The following GET4 variants were observed in gnomAD, a reference collection of about 807,000 sequenced individuals.
GET4 encodes Golgi to ER traffic protein 4 homolog.
A neutral mutation model predicts 40.0 loss-of-function variants in GET4; 20 were observed. That is an observed-to-expected ratio of 0.50 (90% CI 0.35 to 0.73). The LOEUF (loss-of-function observed/expected upper bound fraction) is 0.73, where lower values mean the gene tolerates loss of function less well. Ranked by LOEUF, GET4 falls within the 30% of genes least tolerant of loss-of-function variation. The pLI is 0.01. For missense variants in GET4, 557 were observed against 454.0 expected, an observed-to-expected ratio of 1.23 and a Z score of -2.06; for synonymous variants, 280 against 194.6, an observed-to-expected ratio of 1.44 and a Z score of -3.65.
rs371682963 is a variant in GET4, at chr7:895,899, G to C, written c.*477G>C. On this transcript the variant is annotated 3_prime_UTR_variant, in exon 9 of 9. Coordinates refer to ENST00000265857, the MANE Select transcript of GET4 (RefSeq NM_015949.3). ...AATGGGAGCGGCTGTTTTTGAACAC[G>C]GGGTCATTCTGCAGTCAGGACGAAC... 1 of 152,634 alleles carries C rather than the reference G, an allele frequency of 6.6e-6. No individual in the cohort carries two copies. Among genetic ancestry groups the C allele is most frequent in the Non-Finnish European group, 1.5e-5 (1 of 68,296 alleles). 9.5% of individuals were successfully genotyped at this position (152,634 alleles called of 1,614,324 possible). A position where few individuals can be genotyped will look rare whatever the true frequency, so the allele number is the denominator to read the frequency against.
intron 4 of GET4, among the ~76,000 whole-genome samples, 184 bp from the exon 5 acceptor site, chr7:890,744 G>C (rs1211263594): frequency 6.6e-6 from 1 of 152,082 alleles, no homozygotes; most frequent in African/African-American, 2.4e-5. Flanking sequence ...CTGTTGATTT[G>C]GTGCTGCGTG....
At chr7:891,207 G>C (rs1187180989) in intron 5 of GET4, 141 bp downstream of exon 5, 2 of 624,660 alleles carry the variant, frequency 3.2e-6, no homozygotes, top group Non-Finnish European at 5.5e-6. Context: ...CAGTGCACTT[G>C]TCAGCCTGAC....
rs187621565 is a variant in GET4, at chr7:878,612, C to T, written c.155+1812C>T. ...TTTTTGCGACGGAGTCTCGCTCTGTCCTCTGTCCCAGGCTGGAGTGCAATG... is the reference window on the plus strand; with the variant it reads ...TTTTTGCGACGGAGTCTCGCTCTGTTCTCTGTCCCAGGCTGGAGTGCAATG... On this transcript the variant is annotated intron_variant, in intron 1 of 8. Coordinates refer to ENST00000265857, the MANE Select transcript of GET4 (RefSeq NM_015949.3). Among the ~76,000 whole-genome samples, 31 of 143,484 alleles carry T rather than the reference C, an allele frequency of 2.2e-4. No individual in the cohort carries two copies. In the East Asian group the frequency reaches 4.6e-3, roughly 21 times the overall value. 94.1% of individuals were successfully genotyped at this position (143,484 alleles called of 152,430 possible).
rs778221641 is a variant in GET4, at chr7:895,326, C to T, written c.896-8C>T. ...CAGGCGTGACTGCCACGGTGTTCTT[C>T]TTTCCAGGGAACCTTCTGACCAGCC... On this transcript the variant is annotated splice_region_variant and splice_polypyrimidine_tract_variant and intron_variant, in intron 8 of 8. Coordinates refer to ENST00000265857, the MANE Select transcript of GET4 (RefSeq NM_015949.3). The T allele has an allele frequency of 9.7e-5, 146 of 1,500,836 alleles. No individual in the cohort carries two copies. The South Asian group carries it at 1.1e-3, about 12-fold the overall frequency. 93.0% of individuals were successfully genotyped at this position (1,500,836 alleles called of 1,614,324 possible).
At chr7:878,806 C>G (rs781362420) in intron 1 of GET4, among the ~76,000 whole-genome samples, 3 of 152,180 alleles carry the variant, frequency 2.0e-5, no homozygotes, top group Non-Finnish European at 4.4e-5. Context: ...GTCTCGAACT[C>G]CTGACCTCGC....
chr7:889,351 C>G (rs973831431), intron 4 of GET4, among the ~76,000 whole-genome samples: 1 of 152,260 alleles, frequency 6.6e-6, no homozygotes, highest in African/African-American at 2.4e-5. Flanking sequence ...CCATACGGGA[C>G]CTGAGGCCTG....
chr7:893,495 GTGCGGGCATGGTGGT>G (rs925174933), intron 6 of GET4, among the ~76,000 whole-genome samples: 3 of 112,242 alleles, frequency 2.7e-5, no homozygotes, highest in African/African-American at 8.8e-5. Context: ...TGAGTGTTGG[GTGCGGGCATGGTGGT>G]TGCAGGTGAG....
chr7:878,980 C>CT (rs952430224), intron 1 of GET4, among the ~76,000 whole-genome samples: 1 of 151,918 alleles, frequency 6.6e-6, no homozygotes, highest in Non-Finnish European at 1.5e-5. Flanking sequence ...ACAGACACCC[C>CT]CCCCCGAGTA....
At position 876,620 on chromosome 7, in the gene GET4, T is replaced by G. The variant is rs1843941866; in HGVS notation, c.-26T>G. On this transcript the variant is annotated 5_prime_UTR_variant, in exon 1 of 9. Coordinates refer to ENST00000265857, the MANE Select transcript of GET4 (RefSeq NM_015949.3). ...GCTGCCGACCGCGCCTGCGACAGCG[T>G]CAGCCCTGCGCGGAGCGCCGGCCCG... 4 of 1,198,882 alleles carry G rather than the reference T, an allele frequency of 3.3e-6. No individual in the cohort carries two copies. In the South Asian group the frequency reaches 1.4e-4, roughly 42 times the overall value. The allele number at this position is 1,198,882 out of a possible 1,614,324, so 74.3% of individuals were successfully genotyped here. A position where few individuals can be genotyped will look rare whatever the true frequency, so the allele number is the denominator to read the frequency against.
At chr7:893,854 C>G in intron 7 of GET4, 39 bp downstream of exon 7, 1 of 1,602,018 alleles carries the variant, frequency 6.2e-7, no homozygotes, top group Non-Finnish European at 8.5e-7. Context: ...GGGGACCCCA[C>G]GGTCTGGGTC....
Position 894,757 on chromosome 7 carries a change from T to C in GET4, c.896-577T>C, listed in dbSNP as rs569494705. On this transcript the variant is annotated intron_variant, in intron 8 of 8. Transcript: ENST00000265857. The stretch of plus-strand genomic sequence containing the variant: ...TGACACTGCCACGGCCGTGTCTTTG[T>C]ATTCAAAGAACACGGTGTAACGTCT... 2.0e-5 allele frequency among the ~76,000 whole-genome samples: 3 copies of C among 152,352 alleles called. No homozygotes were observed. The East Asian group carries it at 5.8e-4, about 29-fold the overall frequency.
chr7:891,375 C>G (rs1312551500), intron 5 of GET4, among the ~76,000 whole-genome samples: 3 of 152,276 alleles, frequency 2.0e-5, no homozygotes. Context: ...TCGGCCAGTT[C>G]TTTCCCGCAC....
In GET4 at chr7:876,625, CCTGCGCGGAGCG is replaced by C; in HGVS notation, c.-19_-8del. 1 of 1,224,836 alleles carries C rather than the reference CCTGCGCGGAGCG, an allele frequency of 8.2e-7. No homozygotes were observed. Among genetic ancestry groups the C allele is most frequent in the Non-Finnish European group, 1.0e-6 (1 of 978,330 alleles). 75.9% of individuals were successfully genotyped at this position (1,224,836 alleles called of 1,614,324 possible). A position where few individuals can be genotyped will look rare whatever the true frequency, so the allele number is the denominator to read the frequency against. ...CGACCGCGCCTGCGACAGCGTCAGC[CCTGCGCGGAGCG>C]CCGGCCCGATGGCGGCGGCGGCGGC... On this transcript the variant is annotated 5_prime_UTR_variant, in exon 1 of 9. Coordinates refer to ENST00000265857, the MANE Select transcript of GET4 (RefSeq NM_015949.3).
chr7:887,191 A>G (rs981876230), intron 3 of GET4, 179 bp from the exon 4 acceptor site: 2 of 771,956 alleles, frequency 2.6e-6, no homozygotes, highest in Non-Finnish European at 2.4e-6. Flanking sequence ...TCTGGGGCAC[A>G]TGGCGCTGGA....
chr7:878,930 G>C (rs904566924), intron 1 of GET4, among the ~76,000 whole-genome samples: 2 of 151,834 alleles, frequency 1.3e-5, no homozygotes, highest in Non-Finnish European at 1.5e-5. Flanking sequence ...AATGGAGTGT[G>C]GTGTGTCCTG....
rs1313588868 is a variant in GET4, at chr7:876,709, G to T, written c.64G>T (p.Gly22Cys). The change falls in exon 1 of 9, where the codon GGC becomes TGC. Residue 22 changes from glycine (G) to cysteine (C), a missense_variant. Coordinates refer to ENST00000265857, the MANE Select transcript of GET4 (RefSeq NM_015949.3). ...SARNGGRNRGGVQRVEGKLRA... is the reference protein window; with the variant it reads ...SARNGGRNRGCVQRVEGKLRA... ...CCGGAACGGCGGCCGCAACCGCGGC[G>T]GCGTCCAGCGTGTGGAGGGCAAGCT... The T allele has an allele frequency of 7.3e-7, 1 of 1,364,994 alleles. No individual in the cohort carries two copies. The highest frequency in any genetic ancestry group is 9.6e-7 in the Non-Finnish European group (1 of 1,044,260). 84.6% of individuals were successfully genotyped at this position (1,364,994 alleles called of 1,614,324 possible). A position where few individuals can be genotyped will look rare whatever the true frequency, so the allele number is the denominator to read the frequency against.
Position 879,638 on chromosome 7 carries a change from G to A in GET4, c.155+2838G>A, listed in dbSNP as rs1844043618. On this transcript the variant is annotated intron_variant, in intron 1 of 8. Coordinates refer to ENST00000265857, the MANE Select transcript of GET4 (RefSeq NM_015949.3). ...CTCAACATAGTATAAATACACACCA[G>A]CCAGGCTACATCGCATTTTACTGTT... Among the ~76,000 whole-genome samples, 3 of 152,286 alleles carry A rather than the reference G, an allele frequency of 2.0e-5. No individual in the cohort carries two copies. In the South Asian group the frequency reaches 6.2e-4, roughly 32 times the overall value.
intron 4 of GET4, among the ~76,000 whole-genome samples, chr7:887,801 C>T (rs77329105): frequency 0.036 from 5,490 of 152,280 alleles, 325 homozygotes; most frequent in African/African-American, 0.12. Flanking sequence ...GGGGCCTATG[C>T]GTGCTGCTGC....
In GET4 at chr7:878,867, C is replaced by G. The variant is rs6946998; in HGVS notation, c.155+2067C>G. 4.3e-4 allele frequency among the ~76,000 whole-genome samples: 66 copies of G among 152,144 alleles called. 1 individual carries two copies. Among genetic ancestry groups the G allele is most frequent in the African/African-American group, 1.5e-3 (62 of 41,520 alleles). On this transcript the variant is annotated intron_variant, in intron 1 of 8. Coordinates refer to ENST00000265857, the MANE Select transcript of GET4 (RefSeq NM_015949.3). ...GTGCTGGGATTACAGGCGTGAGCCA[C>G]GGCGCCCGGCCAGTAGACTTTACTT...
Sources: gnomAD v4.1 joint callset for allele counts (sites outside exome capture counted in the v4.1 genomes callset) on GRCh38, gnomAD v4.1.1 for gene constraint, MANE v1.5 for transcripts, NCBI Gene and HGNC (gene_info 2026-07-23, HGNC 2026-07-21) for gene names.